DPP6: variants seen among roughly 807,000 people sequenced by gnomAD.
DPP6 encodes A-type potassium channel modulatory protein DPP6.
DPP6 carries 69 observed loss-of-function variants against 122.6 expected under a neutral mutation model. The observed-to-expected ratio is 0.56, with a 90% CI of 0.46 to 0.69. DPP6 has a LOEUF of 0.69. DPP6 is among the 30% of genes least tolerant of loss of function. The pLI, the probability that DPP6 is intolerant of heterozygous loss-of-function variation, is 0.00. For missense variants in DPP6, 928 were observed against 1,116.9 expected (o/e 0.83, Z 2.41); for synonymous variants, 418 against 433.1 (o/e 0.97, Z 0.43).
intron 1 of DPP6, among the ~76,000 whole-genome samples, chr7:154,139,168 T>C (rs1430583990): frequency 2.6e-5 from 4 of 151,552 alleles, no homozygotes; most frequent in Middle Eastern, 3.4e-3. Context: ...CATATGCTTA[T>C]GGAGGCTGAG....
intron 5 of DPP6, among the ~76,000 whole-genome samples, chr7:154,609,829 G>A (rs1473133042): frequency 7.9e-6 from 1 of 126,916 alleles, no homozygotes; most frequent in Non-Finnish European, 1.8e-5. Flanking sequence ...TCCAGTTAAT[G>A]TATTATAAGT....
rs74506794 is a variant in DPP6 at position 154,394,056 on chromosome 7, C to T, written c.244-52158C>T. Among the ~76,000 whole-genome samples, 1,355 of 152,278 alleles carry T rather than the reference C, an allele frequency of 8.9e-3. 15 individuals carry two copies. Among genetic ancestry groups the T allele is most frequent in the African/African-American group, 0.03 (1,226 of 41,538 alleles). On this transcript the variant is annotated intron_variant, in intron 1 of 25. Transcript: ENST00000377770. ...GCTCATCCATTTATCAGTTGATAGA[C>T]TCTTGGTTTCCATCCATGTTTTAGG...
intron 7 of DPP6, among the ~76,000 whole-genome samples, chr7:154,715,967 G>C (rs545357185): frequency 6.6e-6 from 1 of 152,164 alleles, no homozygotes; most frequent in African/African-American, 2.4e-5. Context: ...CGTACATTCT[G>C]TCACCTAGGT....
At chr7:154,334,844 C>T (rs758026054) in intron 1 of DPP6, among the ~76,000 whole-genome samples, 60 of 151,970 alleles carry the variant, frequency 3.9e-4, no homozygotes, top group Admixed American at 5.9e-4. Context: ...TACAGTGAGC[C>T]AAGATTGTAC....
chr7:154,343,014 G>T (rs1480569397), intron 1 of DPP6, among the ~76,000 whole-genome samples: 1 of 152,180 alleles, frequency 6.6e-6, no homozygotes, highest in African/African-American at 2.4e-5. Flanking sequence ...AAACCATCTC[G>T]CCGCTAACCA....
chr7:154,266,909 C>A (rs1204833779), intron 1 of DPP6, among the ~76,000 whole-genome samples: 1 of 152,152 alleles, frequency 6.6e-6, no homozygotes, highest in African/African-American at 2.4e-5. Context: ...TCAGAGTGCA[C>A]ATTACAACTA....
chr7:154,397,754 A>C (rs1815214863), intron 1 of DPP6, among the ~76,000 whole-genome samples: 1 of 152,178 alleles, frequency 6.6e-6, no homozygotes, highest in Admixed American at 6.5e-5. Flanking sequence ...GTTCACTTTT[A>C]AACACTCCTG....
chr7:154,734,690 T>G (rs1842494326), intron 8 of DPP6, among the ~76,000 whole-genome samples: 1 of 152,222 alleles, frequency 6.6e-6, no homozygotes, highest in Non-Finnish European at 1.5e-5. Flanking sequence ...GTGATTAGCT[T>G]GACAAAGCTC....
rs886545641 is a variant in DPP6 at position 154,889,655 on chromosome 7, G to A, written c.2451+125G>A. 5 of 1,449,672 alleles carry A rather than the reference G, an allele frequency of 3.4e-6. No individual in the cohort carries two copies. The African/African-American group carries it at 5.8e-5, about 17-fold the overall frequency. The allele number at this position is 1,449,672 out of a possible 1,614,324, so 89.8% of individuals were successfully genotyped here. The stretch of plus-strand genomic sequence containing the variant: ...CGCCTGTGCTGTGGTGGTCGGTGAT[G>A]AGCAAGGTCCCAGCAGGTTGGAAAA... On this transcript the variant is annotated intron_variant, in intron 25 of 25. Transcript: ENST00000377770.
At chr7:154,498,042 C>G (rs757570032) in intron 3 of DPP6, among the ~76,000 whole-genome samples, 7 of 152,072 alleles carry the variant, frequency 4.6e-5, no homozygotes, top group Non-Finnish European at 8.8e-5. Flanking sequence ...GGGGTGAAAC[C>G]GAGCATGGGA....
At chr7:154,011,262 G>T (rs2129048880) in intron 1 of DPP6, among the ~76,000 whole-genome samples, 1 of 152,274 alleles carries the variant, frequency 6.6e-6, no homozygotes, top group East Asian at 1.9e-4. Flanking sequence ...ACAGATGACT[G>T]TCCTACTTTC....
At chr7:153,824,186 C>T in the DPP6 span, among the ~76,000 whole-genome samples, 2 of 152,008 alleles carry the variant, frequency 1.3e-5, no homozygotes, top group East Asian at 1.9e-4. Flanking sequence ...GACAGGAGTT[C>T]GAGACCAGCC....
At chr7:154,827,206 A>ACACG (rs375520569) in intron 16 of DPP6, among the ~76,000 whole-genome samples, 2,614 of 151,022 alleles carry the variant, frequency 0.017, 80 homozygotes, top group African/African-American at 0.06. Context: ...CCAGACACAC[A>ACACG]CACACACACA....
chr7:154,382,922 T>C (rs1813755916), intron 1 of DPP6, among the ~76,000 whole-genome samples: 1 of 152,200 alleles, frequency 6.6e-6, no homozygotes. Flanking sequence ...AAATGGGGTT[T>C]CACCATGTTA....
chr7:154,349,472 G>A (rs1028349445), intron 1 of DPP6, among the ~76,000 whole-genome samples: 3 of 152,128 alleles, frequency 2.0e-5, no homozygotes, highest in South Asian at 2.1e-4. Context: ...CAACACACTC[G>A]GCCAATTTCT....
At chr7:154,634,615 A>C (rs1173056952) in intron 5 of DPP6, among the ~76,000 whole-genome samples, 3 of 151,626 alleles carry the variant, frequency 2.0e-5, no homozygotes, top group African/African-American at 7.3e-5. Flanking sequence ...AATTAAAAGC[A>C]GTTCTCTCCT....
At chr7:154,419,629 C>T (rs1817295254) in intron 1 of DPP6, among the ~76,000 whole-genome samples, 2 of 152,198 alleles carry the variant, frequency 1.3e-5, no homozygotes, top group Non-Finnish European at 2.9e-5. Context: ...GAAGGGGTTA[C>T]AGCCCGAAGC....
At chr7:154,331,414 C>T (rs1037818372) in intron 1 of DPP6, among the ~76,000 whole-genome samples, 1 of 152,348 alleles carries the variant, frequency 6.6e-6, no homozygotes, top group Non-Finnish European at 1.5e-5. Context: ...GGGGGGATAA[C>T]TGGTAGACCA....
intron 1 of DPP6, among the ~76,000 whole-genome samples, chr7:154,388,546 C>A (rs1814323067): frequency 6.6e-6 from 1 of 152,096 alleles, no homozygotes; most frequent in African/African-American, 2.4e-5. Flanking sequence ...GCATTGGGAC[C>A]ATTTTGCAAA....
Sources: allele counts gnomAD v4.1 joint callset (sites outside exome capture counted in the v4.1 genomes callset), GRCh38; gene constraint gnomAD v4.1.1; transcripts MANE v1.5; gene names NCBI Gene and HGNC (gene_info 2026-07-23, HGNC 2026-07-21).